SSUH2: variants seen among roughly 807,000 people sequenced by gnomAD.
The protein encoded by SSUH2 is protein SSUH2 homolog.
A neutral mutation model predicts 55.3 loss-of-function variants in SSUH2; 47 were observed. That is an observed-to-expected ratio of 0.85 (90% CI 0.67 to 1.08). The LOEUF (loss-of-function observed/expected upper bound fraction) is 1.08, where lower values mean the gene tolerates loss of function less well. Among genes scored for constraint, SSUH2 ranks in the 50% least tolerant of loss-of-function variants. The probability of loss-of-function intolerance (pLI) is 0.00; values close to 1 mark genes in which losing one functional copy is unlikely to be tolerated. For synonymous variants in SSUH2, 212 were observed against 191.5 expected (o/e 1.11, Z -0.89); for missense variants, 535 against 490.7 (o/e 1.09, Z -0.85).
intron 3 of SSUH2, among the ~76,000 whole-genome samples, chr3:8,672,477 C>A (rs111267910): frequency 1.4e-3 from 208 of 152,204 alleles, no homozygotes; most frequent in African/African-American, 4.6e-3. Flanking sequence ...ATATCAACCT[C>A]TCCGCCTTTG....
At chr3:8,681,498 G>GT (rs1559579255) in intron 1 of SSUH2, among the ~76,000 whole-genome samples, 3 of 145,692 alleles carry the variant, frequency 2.1e-5, no homozygotes, top group Non-Finnish European at 3.0e-5. Context: ...GCCCCCACGA[G>GT]GCGGGGACTG....
rs138830386 is a variant in SSUH2 at position 8,623,628 on chromosome 3, C to A, written c.902G>T (p.Arg301Leu). 12 of 1,541,186 alleles carry A rather than the reference C, an allele frequency of 7.8e-6. No individual in the cohort carries two copies. The highest frequency in any genetic ancestry group is 1.4e-5 in the African/African-American group (1 of 72,824). The change falls in exon 11 of 12, where the codon CGA becomes CTA. Residue 301 changes from arginine (R) to leucine (L), a missense_variant. Transcript: ENST00000544814. ...VVYPIVDFPL[R>L]DISLASQRGI... ...CCTCTGGGAGGCAAGAGAGATGTCTCGCAGAGGGAAGTCCACGATGGGGTA... is the reference window on the plus strand; with the variant it reads ...CCTCTGGGAGGCAAGAGAGATGTCTAGCAGAGGGAAGTCCACGATGGGGTA...
chr3:8,623,973 G>A (rs976961313), intron 10 of SSUH2, among the ~76,000 whole-genome samples: 7 of 151,916 alleles, frequency 4.6e-5, no homozygotes, highest in Non-Finnish European at 7.4e-5. Flanking sequence ...GTCTGTACAC[G>A]TGTAGCGGGA....
At chr3:8,675,956 G>C (rs1164766130) in intron 3 of SSUH2, among the ~76,000 whole-genome samples, 1 of 152,084 alleles carries the variant, frequency 6.6e-6, no homozygotes, top group Non-Finnish European at 1.5e-5. Context: ...TAAACAACTA[G>C]ACGGGGTTTC....
chr3:8,681,168 G>T (rs528198081), intron 1 of SSUH2, among the ~76,000 whole-genome samples: 33 of 142,580 alleles, frequency 2.3e-4, no homozygotes, highest in Non-Finnish European at 3.3e-4. Flanking sequence ...AGCAGGGGGG[G>T]GAGTCACCCC....
At chr3:8,654,626 G>A (rs1276026073) in intron 7 of SSUH2, among the ~76,000 whole-genome samples, 4 of 152,270 alleles carry the variant, frequency 2.6e-5, no homozygotes, top group Middle Eastern at 6.8e-3. Context: ...GACAGATGCC[G>A]GAGCTCCAGG....
intron 4 of SSUH2, 107 bp downstream of exon 4, chr3:8,633,559 A>C (rs1162264515): frequency 1.1e-6 from 1 of 879,774 alleles, no homozygotes; most frequent in African/African-American, 1.7e-5. Context: ...CACTGCCCCC[A>C]GGACTCCTTT....
At position 8,673,827 on chromosome 3, in the gene SSUH2, G is replaced by T. The variant is rs551675597; in HGVS notation, c.-752-1792C>A. ...CTGAGACCGGGAAGCTCTCTTGGAA[G>T]CATTAAAGACGGGAGCTCAAAAGGC... On this transcript the variant is annotated intron_variant, in intron 3 of 18. Transcript: ENST00000317371. Among the ~76,000 whole-genome samples the T allele has an allele frequency of 1.1e-4, 17 of 152,318 alleles. No individual in the cohort carries two copies. The South Asian group carries it at 3.1e-3, about 28-fold the overall frequency.
intron 1 of SSUH2, among the ~76,000 whole-genome samples, chr3:8,642,459 T>G (rs1261195279): frequency 6.6e-6 from 1 of 152,206 alleles, no homozygotes; most frequent in Non-Finnish European, 1.5e-5. Flanking sequence ...AGAAAGAATT[T>G]TGGACAGTCT....
At chr3:8,630,734 A>G (rs947800449) in intron 6 of SSUH2, 71 bp downstream of exon 6, 1 of 1,308,470 alleles carries the variant, frequency 7.6e-7, no homozygotes, top group Non-Finnish European at 9.8e-7. Flanking sequence ...GAGTTTGAGG[A>G]AACATGCAGT....
upstream of SSUH2, among the ~76,000 whole-genome samples, chr3:8,647,731 G>A (rs1318386817): frequency 2.6e-5 from 4 of 152,152 alleles, no homozygotes; most frequent in Non-Finnish European, 5.9e-5. Context: ...GCCCTGCCTC[G>A]GGCCCTCACA....
intron 11 of SSUH2, among the ~76,000 whole-genome samples, chr3:8,622,609 AG>A (rs1696674061): frequency 6.6e-6 from 1 of 152,158 alleles, no homozygotes; most frequent in African/African-American, 2.4e-5. Context: ...TAGGCATGTA[AG>A]TTTGCAGTGC....
chr3:8,680,394 C>G (rs1705863993), intron 1 of SSUH2, among the ~76,000 whole-genome samples: 1 of 152,100 alleles, frequency 6.6e-6, no homozygotes, highest in Non-Finnish European at 1.5e-5. Flanking sequence ...CTCTCGCTCT[C>G]TGGAGATTAT....
Position 8,619,397 on chromosome 3 carries a change from A to G in SSUH2, c.*471T>C, listed in dbSNP as rs370094216. 106 of 155,766 alleles carry G rather than the reference A, an allele frequency of 6.8e-4. No individual in the cohort carries two copies. The South Asian group carries it at 0.021, about 31-fold the overall frequency. 9.6% of individuals were successfully genotyped at this position (155,766 alleles called of 1,614,324 possible). On this transcript the variant is annotated 3_prime_UTR_variant, in exon 12 of 12. Coordinates refer to ENST00000544814, the MANE Select transcript of SSUH2 (RefSeq NM_001256748.3). ...CCTGATCCACAGAATGGGCAGTAAC[A>G]TATTGCACTTTATGCCTAAGTGCAG...
intron 7 of SSUH2, among the ~76,000 whole-genome samples, chr3:8,656,490 C>A (rs1323647982): frequency 6.6e-6 from 1 of 152,190 alleles, no homozygotes; most frequent in African/African-American, 2.4e-5. Context: ...CAGCACCAGG[C>A]AGTCACTGAC....
chr3:8,664,325 G>A (rs1391307317), intron 5 of SSUH2, among the ~76,000 whole-genome samples: 1 of 152,232 alleles, frequency 6.6e-6, no homozygotes, highest in South Asian at 2.1e-4. Context: ...GATCCATGGG[G>A]CAGGAATGCC....
chr3:8,629,928 C>A (rs761604117), intron 6 of SSUH2, among the ~76,000 whole-genome samples: 2 of 152,178 alleles, frequency 1.3e-5, no homozygotes, highest in African/African-American at 4.8e-5. Flanking sequence ...TTCCTCTGAG[C>A]CCTAGCCCAA....
chr3:8,644,908 CA>C, upstream of SSUH2: 1 of 713,440 alleles, frequency 1.4e-6, no homozygotes, highest in Non-Finnish European at 2.5e-6. Context: ...TATCGTTCAT[CA>C]TAGCAGCTGC....
intron 5 of SSUH2, among the ~76,000 whole-genome samples, chr3:8,665,208 A>G (rs1399649734): frequency 6.6e-6 from 1 of 152,150 alleles, no homozygotes; most frequent in Non-Finnish European, 1.5e-5. Flanking sequence ...GAAAAGGAAG[A>G]AAAAAAAGGA....
Sources: allele counts gnomAD v4.1 joint callset (sites outside exome capture counted in the v4.1 genomes callset), GRCh38; gene constraint gnomAD v4.1.1; transcripts MANE v1.5; gene names NCBI Gene and HGNC (gene_info 2026-07-23, HGNC 2026-07-21).